The following NTRK2 variants were observed in gnomAD, a reference collection of about 807,000 sequenced individuals.
NTRK2 encodes the protein neurotrophic receptor tyrosine kinase 2.
A neutral mutation model predicts 94.5 loss-of-function variants in NTRK2; 13 were observed. That is an observed-to-expected ratio of 0.14 (90% CI 0.09 to 0.22). The LOEUF (loss-of-function observed/expected upper bound fraction) is 0.22, where lower values mean the gene tolerates loss of function less well. NTRK2 is among the 10% of genes least tolerant of loss of function. The pLI, the probability that NTRK2 is intolerant of heterozygous loss-of-function variation, is 1.00. For synonymous variants in NTRK2, 372 were observed against 407.4 expected, an observed-to-expected ratio of 0.91 and a Z score of 1.05; for missense variants, 639 against 1,071.2, an observed-to-expected ratio of 0.60 and a Z score of 5.63.
At chr9:84,941,773 A>C (rs2078417622) in intron 15 of NTRK2, among the ~76,000 whole-genome samples, 1 of 152,238 alleles carries the variant, frequency 6.6e-6, no homozygotes, top group African/African-American at 2.4e-5. Flanking sequence ...TCTAATTGAC[A>C]GTTGCTACGA....
intron 14 of NTRK2, among the ~76,000 whole-genome samples, chr9:84,930,882 C>T (rs2078000517): frequency 6.6e-6 from 1 of 152,164 alleles, no homozygotes; most frequent in African/African-American, 2.4e-5. Context: ...AGATGTTCTT[C>T]CCACTGCTGC....
At chr9:84,730,782 G>T (rs1467527173) in intron 9 of NTRK2, among the ~76,000 whole-genome samples, 1 of 4,766 alleles carries the variant, frequency 2.1e-4, no homozygotes, top group Non-Finnish European at 3.6e-4. Flanking sequence ...TAAACAAATA[G>T]CAAAAAAAAA....
intron 12 of NTRK2, among the ~76,000 whole-genome samples, chr9:84,763,550 C>G (rs1056739496): frequency 1.3e-5 from 2 of 152,108 alleles, no homozygotes; most frequent in Middle Eastern, 3.4e-3. Flanking sequence ...ACACTCAACA[C>G]CTAGATTCAA....
chr9:84,709,523 T>C lies in NTRK2; in HGVS notation c.429-1114T>C, dbSNP rs371128397. The stretch of plus-strand genomic sequence containing the variant: ...ATCAAGCAGACACAAATTAAATGAG[T>C]CTACCATGACCACATTTTCCCCTAA... On this transcript the variant is annotated intron_variant, in intron 5 of 18. Transcript: ENST00000277120. Among the ~76,000 whole-genome samples the C allele has an allele frequency of 5.4e-4, 82 of 152,126 alleles. 1 individual carries two copies. The South Asian group carries it at 0.016, about 29-fold the overall frequency.
chr9:84,896,186 T>A (rs1227365069), intron 14 of NTRK2, among the ~76,000 whole-genome samples: 1 of 152,260 alleles, frequency 6.6e-6, no homozygotes, highest in Non-Finnish European at 1.5e-5. Flanking sequence ...ACTCTAAATA[T>A]AGCAGGATAA....
intron 12 of NTRK2, among the ~76,000 whole-genome samples, chr9:84,829,092 A>G (rs2073370495): frequency 6.6e-6 from 1 of 151,844 alleles, no homozygotes; most frequent in Non-Finnish European, 1.5e-5. Flanking sequence ...TCTGCCTCCC[A>G]GGTTTAAGCA....
chr9:85,014,340 G>A (rs1224663252), intron 17 of NTRK2, among the ~76,000 whole-genome samples: 1 of 152,190 alleles, frequency 6.6e-6, no homozygotes, highest in Non-Finnish European at 1.5e-5. Flanking sequence ...TCGTCTCCAC[G>A]TATACCTGGA....
chr9:84,994,321 G>A (rs1186359299), intron 17 of NTRK2, among the ~76,000 whole-genome samples: 1 of 152,182 alleles, frequency 6.6e-6, no homozygotes, highest in Non-Finnish European at 1.5e-5. Flanking sequence ...CATATCTAAT[G>A]CAAAGCAGAC....
intron 14 of NTRK2, among the ~76,000 whole-genome samples, chr9:84,878,768 A>G (rs1393068489): frequency 6.6e-6 from 1 of 152,206 alleles, no homozygotes; most frequent in Non-Finnish European, 1.5e-5. Context: ...TGTGTGCACA[A>G]AGCAAGAATC....
intron 14 of NTRK2, among the ~76,000 whole-genome samples, chr9:84,921,043 G>A (rs1390263748): frequency 6.6e-6 from 1 of 152,140 alleles, no homozygotes; most frequent in African/African-American, 2.4e-5. Context: ...ATCACCCAGA[G>A]TAAGTAGTTC....
intron 2 of NTRK2, among the ~76,000 whole-genome samples, chr9:84,678,307 C>T (rs952765545): frequency 7.2e-5 from 11 of 152,146 alleles, no homozygotes; most frequent in South Asian, 2.1e-4. Flanking sequence ...CCCTGTTAGC[C>T]GACCTGGTCA....
At chr9:84,912,242 A>G (rs554180676) in intron 14 of NTRK2, among the ~76,000 whole-genome samples, 93 of 152,300 alleles carry the variant, frequency 6.1e-4, no homozygotes, top group African/African-American at 2.2e-3. Flanking sequence ...AGAGTATCCT[A>G]GAAATGTCCA....
chr9:84,698,405 C>A (rs1219583561), intron 2 of NTRK2, among the ~76,000 whole-genome samples: 1 of 151,210 alleles, frequency 6.6e-6, no homozygotes, highest in African/African-American at 2.4e-5. Flanking sequence ...ATATATATCA[C>A]CTTATTTTAA....
At chr9:84,826,926 A>T (rs1242849778) in intron 12 of NTRK2, among the ~76,000 whole-genome samples, 2 of 152,194 alleles carry the variant, frequency 1.3e-5, no homozygotes, top group Admixed American at 6.5e-5. Context: ...AGGTGTTCAG[A>T]TCTGAAGCCT....
At chr9:84,698,395 A>G (rs2060520205) in intron 2 of NTRK2, among the ~76,000 whole-genome samples, 1 of 152,042 alleles carries the variant, frequency 6.6e-6, no homozygotes, top group African/African-American at 2.4e-5. Context: ...ATATATATAT[A>G]TATATATCAC....
Position 84,876,280 on chromosome 9 carries a change from G to T in NTRK2, c.1633+8849G>T, listed in dbSNP as rs928537782. The T allele has an allele frequency of 8.5e-5, 89 of 1,045,502 alleles. No homozygotes were observed. In the Admixed American group the frequency reaches 1.8e-3, roughly 21 times the overall value. The allele number at this position is 1,045,502 out of a possible 1,614,324, so 64.8% of individuals were successfully genotyped here. ...ATCAAAACAGCTAGTCTCCACTTTA[G>T]GGAATGCCTTTACTAGAGATTACAT... On this transcript the variant is annotated intron_variant, in intron 14 of 18. Coordinates refer to ENST00000277120, the MANE Select transcript of NTRK2 (RefSeq NM_006180.6).
At chr9:84,928,649 G>A (rs1418147798) in intron 14 of NTRK2, among the ~76,000 whole-genome samples, 2 of 152,144 alleles carry the variant, frequency 1.3e-5, no homozygotes, top group African/African-American at 4.8e-5. Context: ...GGAAAGTCAT[G>A]TCACTGTGCC....
At chr9:84,845,250 TACAC>T (rs58910921) in intron 12 of NTRK2, among the ~76,000 whole-genome samples, 68,523 of 147,824 alleles carry the variant, frequency 0.46, 16,191 homozygotes, top group Non-Finnish European at 0.55. Flanking sequence ...ATGTGGTGTA[TACAC>T]ACACACACAC....
intron 2 of NTRK2, 93 bp downstream of exon 2, chr9:84,671,053 G>C: frequency 8.4e-7 from 1 of 1,191,834 alleles, no homozygotes; most frequent in South Asian, 1.3e-5. Context: ...GCTGTCCCAA[G>C]AGTGGGGAGA....
Sources: allele counts gnomAD v4.1 joint callset (sites outside exome capture counted in the v4.1 genomes callset), GRCh38; gene constraint gnomAD v4.1.1; transcripts MANE v1.5; gene names NCBI Gene and HGNC (gene_info 2026-07-23, HGNC 2026-07-21).